The following TTN variants were observed in gnomAD, a reference collection of about 807,000 sequenced individuals.
TTN encodes the protein titin.
A neutral mutation model predicts 3,223.0 loss-of-function variants in TTN; 1,525 were observed. That is an observed-to-expected ratio of 0.47 (90% CI 0.45 to 0.49). TTN has a LOEUF of 0.49. Among genes scored for constraint, TTN ranks in the 20% least tolerant of loss-of-function variants. The pLI, the probability that TTN is intolerant of heterozygous loss-of-function variation, is 0.00. For synonymous variants in TTN, 14,094 were observed against 15,161.0 expected (o/e 0.93, Z 5.17); for missense variants, 40,786 against 43,424.0 (o/e 0.94, Z 5.40).
rs771533925 is a variant in TTN at position 178,548,072 on chromosome 2, C to T, written c.93554G>A (p.Arg31185His). ...GCCAGCATCATTCTTGGCCTTCACA[C>T]GGAATTCATATTCAGTTTTCTCAAC... Reference protein sequence around the residue: ...RLVEKTEYEFRVKAKNDAGYS... With the variant: ...RLVEKTEYEFHVKAKNDAGYS... Residue 31185 changes from arginine to histidine, a missense_variant, in exon 339 of 363, where the codon CGT becomes CAT. Physicochemically the swap from Arg to His is conservative, Grantham distance 29. Transcript: ENST00000589042. This position sits in a 1 kb window ranked among gnomAD's most constrained non-coding sequence, Gnocchi z 4.3. The T allele has an allele frequency of 2.2e-5, 35 of 1,613,726 alleles. No individual in the cohort carries two copies. Among genetic ancestry groups the T allele is most frequent in the South Asian group, 1.1e-4 (10 of 91,086 alleles).
chr2:178,770,172 G>T lies in TTN; in HGVS notation c.8529C>A (p.Val2843=), dbSNP rs1305630469. The part of the protein sequence containing the change: ...EIKPSDKHRL[V]SERKVHKLML... Reference sequence around the variant, plus strand: ...TCAGCTTGTGGACTTTCCTTTCTGAGACCAGTCTGTGTTTGTCACTTGGCT... The same window carrying T: ...TCAGCTTGTGGACTTTCCTTTCTGATACCAGTCTGTGTTTGTCACTTGGCT... The change falls in exon 36 of 363, where the codon GTC becomes GTA. Residue 2843 remains valine (V), a synonymous_variant. Transcript: ENST00000589042. The T allele has an allele frequency of 6.2e-7, 1 of 1,613,988 alleles. No homozygotes were observed.
chr2:178,684,512 A>G lies in TTN; in HGVS notation c.32639-99T>C, dbSNP rs1008919285. Reference sequence around the variant, plus strand: ...TGATTTTAGAATAGAAGAATTTACAAGGCACACACACAAAAACATCACAAG... The same window carrying G: ...TGATTTTAGAATAGAAGAATTTACAGGGCACACACACAAAAACATCACAAG... On this transcript the variant is annotated intron_variant, in intron 131 of 362. Transcript: ENST00000589042. 9.3e-6 allele frequency: 13 copies of G among 1,399,826 alleles called. No individual in the cohort carries two copies. The African/African-American group carries it at 1.6e-4, about 17-fold the overall frequency. The allele number at this position is 1,399,826 out of a possible 1,614,324, so 86.7% of individuals were successfully genotyped here.
chr2:178,649,286 A>T lies in TTN; in HGVS notation c.40019T>A (p.Val13340Glu). ...KKLVPVKKEP[V>E]PVTKKPEVLP... ...AACTTCTGGTTTTTTGGTAACAGGC[A>T]CAGGTTCTTTCTTTACTGGAACAAG... is the stretch of plus-strand genomic sequence containing the variant. The change falls in exon 213 of 363, where the codon GTG becomes GAG. Residue 13340 changes from valine (V) to glutamate (E), a missense_variant. Coordinates refer to ENST00000589042, the MANE Select transcript of TTN (RefSeq NM_001267550.2). 1 of 1,491,928 alleles carries T rather than the reference A, an allele frequency of 6.7e-7. No individual in the cohort carries two copies. Among genetic ancestry groups the T allele is most frequent in the Non-Finnish European group, 8.9e-7 (1 of 1,127,338 alleles). The allele number at this position is 1,491,928 out of a possible 1,614,324, so 92.4% of individuals were successfully genotyped here.
At chr2:178,549,496 C>T (rs1014567380) in intron 338 of TTN, 23 bp from the exon 339 acceptor site, 5 of 1,593,468 alleles carry the variant, frequency 3.1e-6, no homozygotes, top group Non-Finnish European at 4.3e-6. Flanking sequence ...AACAAAACCC[C>T]AAATCAATTA....
Position 178,675,731 on chromosome 2 carries a change from C to T in TTN, c.34477G>A (p.Glu11493Lys). ...GGAGGAGGGACCTTCTTTTCTGGCTCAGGTTTCTTAGGTACCACAGACACT... is the reference window on the plus strand; with the variant it reads ...GGAGGAGGGACCTTCTTTTCTGGCTTAGGTTTCTTAGGTACCACAGACACT... ...AKVSVVPKKPEPEKKVPPPGL... is the reference protein window; with the variant it reads ...AKVSVVPKKPKPEKKVPPPGL... The change falls in exon 149 of 363, where the codon GAG becomes AAG. Residue 11493 changes from glutamate to lysine, a missense_variant. Coordinates refer to ENST00000589042, the MANE Select transcript of TTN (RefSeq NM_001267550.2). 1.4e-6 allele frequency: 2 copies of T among 1,433,816 alleles called. No homozygotes were observed. Among genetic ancestry groups the T allele is most frequent in the Non-Finnish European group, 1.8e-6 (2 of 1,102,968 alleles). 88.8% of individuals were successfully genotyped at this position (1,433,816 alleles called of 1,614,324 possible).
chr2:178,578,784 C>T (rs1380708022), intron 320 of TTN, 22 bp downstream of exon 320: 3 of 1,606,276 alleles, frequency 1.9e-6, no homozygotes, highest in Admixed American at 3.4e-5. Context: ...TGCTTTACGT[C>T]TTCTGAATTT....
Position 178,684,751 on chromosome 2 carries a change from T to G in TTN, c.32555-2A>C, listed in dbSNP as rs781581062. ...CTGGTTTCTTTGGCTCTTCTGGCAC[T>G]TAAAAGATACCAGGCAATACCATCA... On this transcript the variant is annotated splice_acceptor_variant, in intron 130 of 362. Transcript: ENST00000589042. LOFTEE classifies it high-confidence loss of function. 6 of 1,613,274 alleles carry G rather than the reference T, an allele frequency of 3.7e-6. No homozygotes were observed. In the African/African-American group the frequency reaches 8.0e-5, roughly 22 times the overall value.
rs772557856 is a variant in TTN at position 178,568,400 on chromosome 2, G to T, written c.77732C>A (p.Ser25911Tyr). 22 of 1,613,156 alleles carry T rather than the reference G, an allele frequency of 1.4e-5. No homozygotes were observed. Among genetic ancestry groups the T allele is most frequent in the Non-Finnish European group, 1.8e-5 (21 of 1,179,528 alleles). The change falls in exon 326 of 363, where the codon TCT (serine) becomes TAT (tyrosine). Residue 25911 changes from serine (S) to tyrosine (Y), a missense_variant. Physicochemically the swap from Ser to Tyr is moderately radical, Grantham distance 144. Transcript: ENST00000589042. ...DDVSAESITL[S>Y]WNPPLYTGGC... is the part of the protein sequence containing the mutation. Reference sequence around the variant, plus strand: ...CCCTGTATATAATGGAGGGTTCCAAGATAATGTAATACTTTCAGCACTGAC... The same window carrying T: ...CCCTGTATATAATGGAGGGTTCCAATATAATGTAATACTTTCAGCACTGAC...
At position 178,634,840 on chromosome 2, in the gene TTN, T is replaced by C. The variant is rs1425644741; in HGVS notation, c.42034A>G (p.Ile14012Val). ...ELLRPSPTCE[I>V]KAEGGKRFLT... ...AAGCGTTTTCCACCTTCTGCTTTGA[T>C]TTCACAAGTCTGAAAAACAATAGTT... Residue 14012 changes from isoleucine (I) to valine (V), a missense_variant, in exon 229 of 363, where the codon ATC becomes GTC. Ile to Val is a conservative substitution (Grantham distance 29). Coordinates refer to ENST00000589042, the MANE Select transcript of TTN (RefSeq NM_001267550.2). This position sits in a 1 kb window ranked among gnomAD's most constrained non-coding sequence, Gnocchi z 4.6. 4 of 1,608,238 alleles carry C rather than the reference T, an allele frequency of 2.5e-6. No homozygotes were observed. Among genetic ancestry groups the C allele is most frequent in the Admixed American group, 1.7e-5 (1 of 58,546 alleles).
At chr2:178,702,278 T>C (rs1473119913) in intron 107 of TTN, 33 bp from the exon 108 acceptor site, 6 of 1,613,498 alleles carry the variant, frequency 3.7e-6, no homozygotes, top group Non-Finnish European at 5.1e-6. Flanking sequence ...TTTTGTTTTC[T>C]GATATGTTGC....
chr2:178,800,272 C>T (rs2093991113), intron 4 of TTN, 123 bp downstream of exon 4: 1 of 1,356,166 alleles, frequency 7.4e-7, no homozygotes, highest in Admixed American at 2.1e-5. Flanking sequence ...GAAAAGCCAG[C>T]TTTTATATCA....
At chr2:178,769,451 G>A (rs1038800020) in intron 37 of TTN, among the ~76,000 whole-genome samples, 7 of 151,442 alleles carry the variant, frequency 4.6e-5, no homozygotes, top group Non-Finnish European at 1.0e-4. Flanking sequence ...TTTGCTAGAG[G>A]CAGGATCTCA....
rs746981434 is a variant in TTN, at chr2:178,728,354, C to T, written c.19470G>A (p.Met6490Ile). ...GAATAGAAGAGCCCAGAACTTTATC[C>T]ATTTTGGTTAATTTTTTGGTGAATG... ...PPSFTKKLTK[M>I]DKVLGSSIHM... The change falls in exon 67 of 363, where the codon ATG (methionine) becomes ATA (isoleucine). Residue 6490 changes from methionine (M) to isoleucine (I), a missense_variant. Physicochemically the swap from Met to Ile is conservative, Grantham distance 10. Transcript: ENST00000589042. The T allele has an allele frequency of 1.9e-6, 3 of 1,605,180 alleles. No individual in the cohort carries two copies. Among genetic ancestry groups the T allele is most frequent in the Non-Finnish European group, 8.5e-7 (1 of 1,176,632 alleles).
chr2:178,745,530 T>C (rs1159901844), intron 47 of TTN: 29 of 1,603,016 alleles, frequency 1.8e-5, no homozygotes, highest in Non-Finnish European at 2.3e-5. Context: ...ATTTGGAAAA[T>C]ATGAAAGCAC....
chr2:178,730,703 C>T lies in TTN; in HGVS notation c.17830G>A (p.Gly5944Arg), dbSNP rs879142796. Residue 5944 changes from glycine to arginine, a missense_variant, in exon 61 of 363, where the codon GGG (glycine) becomes AGG (arginine). Transcript: ENST00000589042. ...CACTGGATGCTTATGGGATGTGACC[C>T]AGCCACTATACATTCTAAATCAATG... ...SFIDLECIVAGSHPISIQWFK... is the reference protein window; with the variant it reads ...SFIDLECIVARSHPISIQWFK... The T allele has an allele frequency of 1.9e-6, 3 of 1,613,438 alleles. No homozygotes were observed. The African/African-American group carries it at 4.0e-5, about 22-fold the overall frequency.
In TTN at chr2:178,563,847, A is replaced by G. The variant is rs1387188018; in HGVS notation, c.82285T>C (p.Tyr27429His). ...QVSTEVQALN[Y>H]KVTKLLPGNE... is the part of the protein sequence containing the mutation. ...CCAGGAAGAAGTTTAGTAACTTTGT[A>G]GTTAAGGGCCTGTACCTCAGTTGAA... Residue 27429 changes from tyrosine (Y) to histidine (H), a missense_variant, in exon 326 of 363, where the codon TAC (tyrosine) becomes CAC (histidine). Physicochemically the swap from Tyr to His is moderately conservative, Grantham distance 83 (BLOSUM62 2). Coordinates refer to ENST00000589042, the MANE Select transcript of TTN (RefSeq NM_001267550.2). The surrounding 1 kb of genome is among the most constrained non-coding windows in gnomAD (Gnocchi z 4.5). The G allele has an allele frequency of 1.6e-5, 26 of 1,613,612 alleles. No individual in the cohort carries two copies. Among genetic ancestry groups the G allele is most frequent in the Non-Finnish European group, 2.2e-5 (26 of 1,179,756 alleles).
At chr2:178,761,063 G>C (rs1490226168) in intron 43 of TTN, 2 of 152,176 alleles carry the variant, frequency 1.3e-5, no homozygotes, top group Non-Finnish European at 2.9e-5. Flanking sequence ...GGTGCTTGTG[G>C]CTGTGATGCC....
In TTN at chr2:178,561,950, G is replaced by A; in HGVS notation, c.84182C>T (p.Pro28061Leu). 2 of 1,613,206 alleles carry A rather than the reference G, an allele frequency of 1.2e-6. No homozygotes were observed. Among genetic ancestry groups the A allele is most frequent in the African/African-American group, 1.3e-5 (1 of 75,018 alleles). ...ACAACTAACCTCATCAATACGTATA[G>A]GACCTGGAGGTCCTGGTCTGTCAAG... ...IVLDRPGPPG[P>L]IRIDEVSCDS... The change falls in exon 326 of 363, where the codon CCT becomes CTT. Residue 28061 changes from proline (P) to leucine (L), a missense_variant. Transcript: ENST00000589042.
rs781300567 is a variant in TTN, at chr2:178,574,949, C to G, written c.71183G>C (p.Gly23728Ala). The change falls in exon 326 of 363, where the codon GGG (glycine) becomes GCG (alanine). Residue 23728 changes from glycine to alanine, a missense_variant. Transcript: ENST00000589042. ...AAATTTGATTGGTCCAGTAGGTGGC[C>G]CTGGGATATCATGGACTTGAATGGT... ...VITIQVHDIP[G>A]PPTGPIKFDE... is the part of the protein sequence containing the mutation. 6.2e-7 allele frequency: 1 copy of G among 1,613,024 alleles called. No individual in the cohort carries two copies. Among genetic ancestry groups the G allele is most frequent in the Admixed American group, 1.7e-5 (1 of 59,972 alleles).
Sources: gnomAD v4.1 joint callset for allele counts (sites outside exome capture counted in the v4.1 genomes callset) on GRCh38, gnomAD v4.1.1 for gene constraint, Gnocchi (gnomAD v3.1) non-coding constraint, MANE v1.5 for transcripts, NCBI Gene and HGNC (gene_info 2026-07-23, HGNC 2026-07-21) for gene names.